The following CLMN variants were observed in gnomAD, a reference collection of about 807,000 sequenced individuals.
CLMN encodes calmin (calponin-like, transmembrane).
In CLMN, 57 loss-of-function variants were observed where a neutral mutation model predicts 92.7. That is an observed-to-expected ratio of 0.61 (90% CI 0.50 to 0.77). CLMN has a LOEUF of 0.77. Ranked by LOEUF, CLMN falls within the 30% of genes least tolerant of loss-of-function variation. CLMN has a pLI of 0.00. For missense variants in CLMN, 1,158 were observed against 1,237.5 expected (o/e 0.94, Z 0.96); for synonymous variants, 466 against 470.6 (o/e 0.99, Z 0.13).
intron 5 of CLMN, among the ~76,000 whole-genome samples, chr14:95,215,023 G>A (rs1440315179): frequency 2.6e-5 from 4 of 152,160 alleles, no homozygotes; most frequent in Non-Finnish European, 1.5e-5. Flanking sequence ...GTTGATGGGT[G>A]CGGCAAACCA....
intron 4 of CLMN, among the ~76,000 whole-genome samples, chr14:95,218,945 G>C (rs1897439086): frequency 6.6e-6 from 1 of 152,326 alleles, no homozygotes; most frequent in South Asian, 2.1e-4. Context: ...TGCCACACCT[G>C]TTCCTAGGCT....
At chr14:95,235,610 G>T (rs1437729625) in intron 1 of CLMN, among the ~76,000 whole-genome samples, 1 of 152,194 alleles carries the variant, frequency 6.6e-6, no homozygotes, top group Non-Finnish European at 1.5e-5. Flanking sequence ...TTTGTCTAAA[G>T]GGCTCTTCCT....
rs1367272761 is a variant in CLMN at position 95,185,848 on chromosome 14, T to C, written c.*5716A>G. 6.6e-6 allele frequency: 1 copy of C among 152,218 alleles called. No homozygotes were observed. The highest frequency in any genetic ancestry group is 1.5e-5 in the Non-Finnish European group (1 of 68,042). The allele number at this position is 152,218 out of a possible 1,614,324, so 9.4% of individuals were successfully genotyped here. A position where few individuals can be genotyped will look rare whatever the true frequency, so the allele number is the denominator to read the frequency against. On this transcript the variant is annotated 3_prime_UTR_variant, in exon 13 of 13. Coordinates refer to ENST00000298912, the MANE Select transcript of CLMN (RefSeq NM_024734.4). ...GGAGAGTTAAGAAAATCGGAGCTCA[T>C]GTGAAAGCATTCTTGTCATACAACT...
intron 1 of CLMN, among the ~76,000 whole-genome samples, chr14:95,236,792 T>C (rs1898072296): frequency 6.6e-6 from 1 of 152,192 alleles, no homozygotes. Flanking sequence ...TTTGCCTATC[T>C]GTACAACAGG....
In CLMN at chr14:95,185,035, G is replaced by A. The variant is rs1410580754; in HGVS notation, c.*6529C>T. On this transcript the variant is annotated 3_prime_UTR_variant, in exon 13 of 13. Coordinates refer to ENST00000298912, the MANE Select transcript of CLMN (RefSeq NM_024734.4). ...GCAGGAGGATTGCCTGAGCCCAGGA[G>A]TTTCAGGCTGCAGTGAGCTGTGATC... 2 of 152,270 alleles carry A rather than the reference G, an allele frequency of 1.3e-5. No individual in the cohort carries two copies. The highest frequency in any genetic ancestry group is 1.9e-4 in the East Asian group (1 of 5,194). The allele number at this position is 152,270 out of a possible 1,614,324, so 9.4% of individuals were successfully genotyped here.
chr14:95,240,779 T>C (rs1303925332), intron 1 of CLMN, among the ~76,000 whole-genome samples: 1 of 152,138 alleles, frequency 6.6e-6, no homozygotes. Context: ...ATGTTTCCTA[T>C]GTAGATGAGG....
chr14:95,289,734 C>T (rs898530549), intron 1 of CLMN, among the ~76,000 whole-genome samples: 20 of 152,124 alleles, frequency 1.3e-4, no homozygotes, highest in Admixed American at 1.0e-3. Flanking sequence ...ACAGCCTAGT[C>T]CTCTCGGCTG....
chr14:95,301,057 A>C (rs1873769933), intron 1 of CLMN, among the ~76,000 whole-genome samples: 1 of 152,250 alleles, frequency 6.6e-6, no homozygotes. Context: ...GTAACTTTCC[A>C]AAAGGGTCAT....
Position 95,289,514 on chromosome 14 carries a change from CAAACAAACA to C in CLMN, c.82+30188_82+30196del, listed in dbSNP as rs1376191777. 3.5e-3 allele frequency among the ~76,000 whole-genome samples: 328 copies of C among 92,708 alleles called. 1 individual carries two copies. Among genetic ancestry groups the C allele is most frequent in the South Asian group, 0.021 (56 of 2,656 alleles). The allele number at this position is 92,708 out of a possible 152,430, so 60.8% of individuals were successfully genotyped here. ...ATAAATAAATAAATAAATAAACAAA[CAAACAAACA>C]AAAAAACCGTTGTTCTACATCCTTA... is the stretch of plus-strand genomic sequence containing the variant. On this transcript the variant is annotated intron_variant, in intron 1 of 12. Transcript: ENST00000298912.
In CLMN at chr14:95,259,881, G is replaced by T. The variant is rs144194510; in HGVS notation, c.83-29748C>A. Among the ~76,000 whole-genome samples the T allele has an allele frequency of 2.2e-3, 339 of 152,244 alleles. No homozygotes were observed. The highest frequency in any genetic ancestry group is 7.8e-3 in the African/African-American group (323 of 41,524). On this transcript the variant is annotated intron_variant, in intron 1 of 12. Coordinates refer to ENST00000298912, the MANE Select transcript of CLMN (RefSeq NM_024734.4). This position sits in a 1 kb window ranked among gnomAD's most constrained non-coding sequence, Gnocchi z 4.3. ...GACGGCTATTCCCTTGCGCTTGGTGGCTCCTGAATATGCCTGCTTGCCTGG... is the reference window on the plus strand; with the variant it reads ...GACGGCTATTCCCTTGCGCTTGGTGTCTCCTGAATATGCCTGCTTGCCTGG...
chr14:95,193,720 G>T, intron 12 of CLMN, 129 bp downstream of exon 12: 5 of 1,127,714 alleles, frequency 4.4e-6, no homozygotes, highest in Admixed American at 2.5e-5. Flanking sequence ...TTATTTTCTT[G>T]CATTATCCCA....
At chr14:95,291,208 G>A (rs1291707474) in intron 1 of CLMN, among the ~76,000 whole-genome samples, 1 of 152,224 alleles carries the variant, frequency 6.6e-6, no homozygotes, top group Non-Finnish European at 1.5e-5. Context: ...CCACCCAGCT[G>A]AGCCTGGGCG....
At chr14:95,266,239 A>C (rs983222647) in intron 1 of CLMN, among the ~76,000 whole-genome samples, 7 of 152,276 alleles carry the variant, frequency 4.6e-5, no homozygotes, top group Admixed American at 4.6e-4. Context: ...AAGGGCATCC[A>C]AATGGAAAAC....
intron 1 of CLMN, among the ~76,000 whole-genome samples, chr14:95,284,953 T>C (rs1053480150): frequency 6.6e-6 from 1 of 152,168 alleles, no homozygotes; most frequent in African/African-American, 2.4e-5. Context: ...GGTTTGGCTG[T>C]GTCCCCACCC....
At chr14:95,201,284 C>T (rs1343538207) in intron 9 of CLMN, among the ~76,000 whole-genome samples, 1 of 151,710 alleles carries the variant, frequency 6.6e-6, no homozygotes, top group African/African-American at 2.4e-5. Context: ...GGGTAATTAT[C>T]TTCCAACCCC....
intron 3 of CLMN, among the ~76,000 whole-genome samples, chr14:95,223,090 A>T (rs193016103): frequency 2.0e-4 from 30 of 152,244 alleles, no homozygotes; most frequent in African/African-American, 5.5e-4. Flanking sequence ...ACATTTCATC[A>T]TGTCTGGGAG....
intron 1 of CLMN, among the ~76,000 whole-genome samples, chr14:95,266,237 C>A (rs1899469850): frequency 6.6e-6 from 1 of 152,114 alleles, no homozygotes; most frequent in African/African-American, 2.4e-5. Context: ...CGAAGGGCAT[C>A]CAAATGGAAA....
intron 1 of CLMN, among the ~76,000 whole-genome samples, chr14:95,236,570 G>C (rs1005554279): frequency 6.6e-6 from 1 of 152,012 alleles, no homozygotes; most frequent in African/African-American, 2.4e-5. Context: ...GCCATGCACG[G>C]GACAGCCCCA....
intron 1 of CLMN, among the ~76,000 whole-genome samples, chr14:95,290,632 A>C (rs1296144138): frequency 6.6e-6 from 1 of 152,222 alleles, no homozygotes. Context: ...GAAGGAACGC[A>C]GTATTACCAG....
Sources: allele counts gnomAD v4.1 joint callset (sites outside exome capture counted in the v4.1 genomes callset), GRCh38; gene constraint gnomAD v4.1.1; non-coding constraint Gnocchi (gnomAD v3.1); transcripts MANE v1.5; gene names NCBI Gene and HGNC (gene_info 2026-07-23, HGNC 2026-07-21).